SLC4A11: variants seen among roughly 807,000 people sequenced by gnomAD.
SLC4A11 encodes solute carrier family 4 member 11.
A neutral mutation model predicts 95.0 loss-of-function variants in SLC4A11; 74 were observed. That is an observed-to-expected ratio of 0.78 (90% CI 0.65 to 0.95). The LOEUF (loss-of-function observed/expected upper bound fraction) is 0.95. Among genes scored for constraint, SLC4A11 ranks in the 40% least tolerant of loss-of-function variants. The probability of loss-of-function intolerance (pLI) is 0.00; values close to 1 mark genes in which losing one functional copy is unlikely to be tolerated. For synonymous variants in SLC4A11, 548 were observed against 519.0 expected, an observed-to-expected ratio of 1.06 and a Z score of -0.76; for missense variants, 1,081 against 1,192.4, an observed-to-expected ratio of 0.91 and a Z score of 1.38.
At chr20:3,229,920 C>T in intron 13 of SLC4A11, 144 bp from the exon 14 acceptor site, 1 of 1,225,192 alleles carries the variant, frequency 8.2e-7, no homozygotes, top group East Asian at 2.4e-5. Flanking sequence ...CACTCCTGCC[C>T]ACTGTCCCTG....
chr20:3,238,711 AAAAT>A, intron 1 of SLC4A11: 1 of 1,018,860 alleles, frequency 9.8e-7, no homozygotes, highest in Non-Finnish European at 1.2e-6. Flanking sequence ...GGCGGAAGGT[AAAAT>A]GAGACCTTCC....
At position 3,234,843 on chromosome 20, in the gene SLC4A11, A is replaced by G; in HGVS notation, c.140T>C (p.Leu47Pro). 6.2e-7 allele frequency: 1 copy of G among 1,614,062 alleles called. No individual in the cohort carries two copies. Among genetic ancestry groups the G allele is most frequent in the South Asian group, 1.1e-5 (1 of 91,080 alleles). ...GGCAGTGTCGAAGGCCTCATCCCCCAGGATCTCCTCTCGGGCTTCGAAGGT... is the reference window on the plus strand; with the variant it reads ...GGCAGTGTCGAAGGCCTCATCCCCCGGGATCTCCTCTCGGGCTTCGAAGGT... ...DDTFEAREEI[L>P]GDEAFDTANS... Residue 47 changes from leucine (L) to proline (P), a missense_variant, in exon 3 of 20, where the codon CTG (leucine) becomes CCG (proline). By Grantham distance (98) the Leu-to-Pro change is moderately conservative. Coordinates refer to ENST00000642402, the MANE Select transcript of SLC4A11 (RefSeq NM_001174089.2). This position sits in a 1 kb window ranked among gnomAD's most constrained non-coding sequence, Gnocchi z 5.8.
rs2067660163 is a variant in SLC4A11 at position 3,229,198 on chromosome 20, G to A, written c.1915C>T (p.Leu639=). 6.2e-7 allele frequency: 1 copy of A among 1,612,698 alleles called. No individual in the cohort carries two copies. Among genetic ancestry groups the A allele is most frequent in the Non-Finnish European group, 8.5e-7 (1 of 1,180,010 alleles). Residue 639 remains leucine, a synonymous_variant, in exon 16 of 20, where the codon CTG becomes TTG. Coordinates refer to ENST00000642402, the MANE Select transcript of SLC4A11 (RefSeq NM_001174089.2). ...CCCATGGCACCGCTGACGGCCCTCA[G>A]GGACAGCGACTGGATCTGCGCCATC... ...FAMAQIQSLS[L]RAVSGAMGLG...
At position 3,229,577 on chromosome 20, in the gene SLC4A11, G is replaced by A. The variant is rs2067681390; in HGVS notation, c.1689C>T (p.Leu563=). 1.9e-6 allele frequency: 3 copies of A among 1,612,902 alleles called. No individual in the cohort carries two copies. Among genetic ancestry groups the A allele is most frequent in the East Asian group, 2.2e-5 (1 of 44,862 alleles). Residue 563 remains leucine (L), a synonymous_variant, in exon 14 of 20, where the codon CTC becomes CTT. Transcript: ENST00000642402. ...SGQATAVLSL[L]IMLGTLWLGY... The stretch of plus-strand genomic sequence containing the variant: ...CCAGCCAGAGCGTGCCCAGCATGAT[G>A]AGGAGGCTGAGCACGGCGGTCGCCT...
Position 3,231,571 on chromosome 20 carries a change from AC to A in SLC4A11, c.730-24del. ...TTTCTAGGGGTGGAGGATGGGAGTC[AC>A]CCCTAGAAACAGAGGAGGCCCTGCC... On this transcript the variant is annotated intron_variant, in intron 7 of 19. Transcript: ENST00000642402. This position sits in a 1 kb window ranked among gnomAD's most constrained non-coding sequence, Gnocchi z 5.2. 6.3e-7 allele frequency: 1 copy of A among 1,588,422 alleles called. No homozygotes were observed. Among genetic ancestry groups the A allele is most frequent in the Non-Finnish European group, 8.6e-7 (1 of 1,165,510 alleles).
rs2122530467 is a variant in SLC4A11 at position 3,229,925 on chromosome 20, T to C, written c.1490-149A>G. On this transcript the variant is annotated intron_variant, in intron 13 of 19. Transcript: ENST00000642402. ...CATGCACCCACACTCCTGCCCACTGTCCCTGTCCCATCTCTGACACCCCAT... is the reference window on the plus strand; with the variant it reads ...CATGCACCCACACTCCTGCCCACTGCCCCTGTCCCATCTCTGACACCCCAT... 4.1e-6 allele frequency: 5 copies of C among 1,208,480 alleles called. No homozygotes were observed. The East Asian group carries it at 1.2e-4, about 29-fold the overall frequency. The allele number at this position is 1,208,480 out of a possible 1,614,324, so 74.9% of individuals were successfully genotyped here.
Position 3,228,687 on chromosome 20 carries a change from G to C in SLC4A11, c.2213C>G (p.Thr738Arg). 6.2e-7 allele frequency: 1 copy of C among 1,612,952 alleles called. No individual in the cohort carries two copies. Among genetic ancestry groups the C allele is most frequent in the Non-Finnish European group, 8.5e-7 (1 of 1,179,916 alleles). Residue 738 changes from threonine (T) to arginine (R), a missense_variant, in exon 18 of 20, where the codon ACG becomes AGG. Physicochemically the swap from Thr to Arg is moderately conservative, Grantham distance 71. Around this residue, in one of 3 missense-constraint regions of SLC4A11, gnomAD observed 767 missense variants for 858.0 expected, o/e 0.89. Coordinates refer to ENST00000642402, the MANE Select transcript of SLC4A11 (RefSeq NM_001174089.2). ...IYDTIVNVKE[T>R]RLTSLGASVL... ...GCTGGCGCCCAGCGAGGTCAGCCGC[G>C]TCTCCTTCACGTTCACAATCCTGCG...
At position 3,238,215 on chromosome 20, in the gene SLC4A11, T is replaced by G. The variant is rs958370075; in HGVS notation, c.44-627A>C. On this transcript the variant is annotated intron_variant, in intron 1 of 19. Transcript: ENST00000642402. ...AGAACAATTGGGGGTGGGAGGAGTA[T>G]CTGAGGGACACATGGGTCGGGGGAG... 274 of 1,405,504 alleles carry G rather than the reference T, an allele frequency of 1.9e-4. 3 individuals are homozygous for G. In the Middle Eastern group the frequency reaches 2.6e-3, roughly 14 times the overall value. 87.1% of individuals were successfully genotyped at this position (1,405,504 alleles called of 1,614,324 possible). A position where few individuals can be genotyped will look rare whatever the true frequency, so the allele number is the denominator to read the frequency against.
intron 19 of SLC4A11, 47 bp from the exon 20 acceptor site, chr20:3,227,903 G>A (rs779803406): frequency 1.9e-6 from 3 of 1,584,160 alleles, no homozygotes; most frequent in Non-Finnish European, 2.6e-6. Context: ...CAGAGAGAAG[G>A]CAGTGGACAC....
At chr20:3,237,455 A>G (rs1031917563) in intron 2 of SLC4A11, 89 bp downstream of exon 2, 2 of 1,368,518 alleles carry the variant, frequency 1.5e-6, no homozygotes, top group Non-Finnish European at 2.1e-6. Context: ...GAGCAAAGCC[A>G]CAGGACTCTG....
Position 3,229,619 on chromosome 20 carries a change from C to T in SLC4A11, c.1647G>A (p.Ser549=), listed in dbSNP as rs754320261. 2.4e-5 allele frequency: 38 copies of T among 1,612,968 alleles called. No individual in the cohort carries two copies. The highest frequency in any genetic ancestry group is 2.8e-5 in the Non-Finnish European group (33 of 1,179,934). ...SFLASPTELP[S]ATHSGQATAV... The stretch of plus-strand genomic sequence containing the variant: ...CGGTCGCCTGGCCTGAGTGTGTGGC[C>T]GAGGGCAGCTCCGTGGGGCTGGCGA... The change falls in exon 14 of 20, where the codon TCG becomes TCA. Residue 549 remains serine, a synonymous_variant. Coordinates refer to ENST00000642402, the MANE Select transcript of SLC4A11 (RefSeq NM_001174089.2).
rs1045718519 is a variant in SLC4A11, at chr20:3,230,349, C to T, written c.1416-89G>A. ...CCTGAGCCCCTGCACAGTCCCCTGC[C>T]TCCCCCTGCCAGGAAGAAGGCCAGG... On this transcript the variant is annotated intron_variant, in intron 12 of 19. Coordinates refer to ENST00000642402, the MANE Select transcript of SLC4A11 (RefSeq NM_001174089.2). 1.4e-5 allele frequency: 22 copies of T among 1,579,950 alleles called. No individual in the cohort carries two copies. The African/African-American group carries it at 2.8e-4, about 20-fold the overall frequency.
At chr20:3,228,157 C>A in intron 19 of SLC4A11, 102 bp downstream of exon 19, 1 of 399,774 alleles carries the variant, frequency 2.5e-6, no homozygotes, top group Non-Finnish European at 4.9e-6. Context: ...CCCGCCCATT[C>A]TCCGCCCCTA....
chr20:3,229,482 T>C, intron 14 of SLC4A11, 30 bp from the exon 15 acceptor site: 1 of 1,612,914 alleles, frequency 6.2e-7, no homozygotes, highest in Non-Finnish European at 8.5e-7. Context: ...GAGCACAGCC[T>C]TTGACCCATG....
rs772992905 is a variant in SLC4A11, at chr20:3,228,677, G to A, written c.2223C>T (p.Thr741=). The part of the protein sequence containing the change: ...TIVNVKETRL[T]SLGASVLVGL... ...CCACCAGGACGCTGGCGCCCAGCGAGGTCAGCCGCGTCTCCTTCACGTTCA... is the reference window on the plus strand; with the variant it reads ...CCACCAGGACGCTGGCGCCCAGCGAAGTCAGCCGCGTCTCCTTCACGTTCA... Residue 741 remains threonine (T), a synonymous_variant, in exon 18 of 20, where the codon ACC becomes ACT. Transcript: ENST00000642402. The A allele has an allele frequency of 4.5e-5, 72 of 1,612,810 alleles. 1 individual carries two copies. The highest frequency in any genetic ancestry group is 5.8e-5 in the Non-Finnish European group (68 of 1,179,912).
intron 7 of SLC4A11, among the ~76,000 whole-genome samples, chr20:3,233,207 G>A (rs1048508761): frequency 5.9e-5 from 9 of 152,272 alleles, no homozygotes; most frequent in South Asian, 4.1e-4. Context: ...CTAGCAAATC[G>A]CAAAGTCAAC....
chr20:3,235,309 T>TCACACACACACACA (rs58744452), intron 2 of SLC4A11, among the ~76,000 whole-genome samples: 2 of 123,540 alleles, frequency 1.6e-5, no homozygotes, highest in African/African-American at 3.2e-5. Flanking sequence ...TCTCTCTCTC[T>TCACACACACACACA]CACACACACA....
At chr20:3,230,108 G>GC in intron 13 of SLC4A11, 79 bp downstream of exon 13, 1 of 1,511,100 alleles carries the variant, frequency 6.6e-7, no homozygotes, top group Non-Finnish European at 9.2e-7. Flanking sequence ...AGTCCTATGT[G>GC]CCCCCAGCCA....
At chr20:3,237,504 A>G (rs1170870012) in intron 2 of SLC4A11, 40 bp downstream of exon 2, 1 of 1,606,636 alleles carries the variant, frequency 6.2e-7, no homozygotes, top group African/African-American at 1.3e-5. Context: ...TTGCCCGACA[A>G]GCTCTCTCTG....
Sources: gnomAD v4.1 joint callset for allele counts (sites outside exome capture counted in the v4.1 genomes callset) on GRCh38, gnomAD v4.1.1 for gene constraint, gnomAD v4.1.1 regional missense constraint, Gnocchi (gnomAD v3.1) non-coding constraint, MANE v1.5 for transcripts, NCBI Gene and HGNC (gene_info 2026-07-23, HGNC 2026-07-21) for gene names.